Variants in AZGP1 observed in about 807,000 individuals in gnomAD.
AZGP1 encodes zinc-alpha-2-glycoprotein.
AZGP1 carries 28 observed loss-of-function variants against 31.5 expected under a neutral mutation model. The observed-to-expected ratio is 0.89, with a 90% confidence interval of 0.66 to 1.22. The LOEUF (loss-of-function observed/expected upper bound fraction) is 1.22. AZGP1 is among the 50% of genes most tolerant of loss of function. The probability of loss-of-function intolerance (pLI) is 0.00; values close to 1 mark genes in which losing one functional copy is unlikely to be tolerated. For synonymous variants in AZGP1, 135 were observed against 145.4 expected (o/e 0.93, Z 0.51); for missense variants, 361 against 371.8 (o/e 0.97, Z 0.24).
rs1048835408 is a variant in AZGP1, at chr7:99,966,852, G to A, written c.*151C>T. Reference sequence around the variant, plus strand: ...ACTCAAGACAGGCATCCCAGTCTTCGGTCTCCAAATCCACCTCCTGTCTGT... The same window carrying A: ...ACTCAAGACAGGCATCCCAGTCTTCAGTCTCCAAATCCACCTCCTGTCTGT... On this transcript the variant is annotated 3_prime_UTR_variant, in exon 4 of 4. Transcript: ENST00000292401. 5 of 1,217,798 alleles carry A rather than the reference G, an allele frequency of 4.1e-6. No homozygotes were observed. In the African/African-American group the frequency reaches 4.6e-5, roughly 11 times the overall value. The allele number at this position is 1,217,798 out of a possible 1,614,324, so 75.4% of individuals were successfully genotyped here. A position where few individuals can be genotyped will look rare whatever the true frequency, so the allele number is the denominator to read the frequency against.
chr7:99,967,365 G>A (rs753449793), intron 3 of AZGP1, 79 bp from the exon 4 acceptor site: 23 of 1,470,602 alleles, frequency 1.6e-5, no homozygotes, highest in Non-Finnish European at 2.1e-5. Context: ...CCCCACCCCT[G>A]GATGTCAGCG....
Position 99,971,930 on chromosome 7 carries a change from G to GC in AZGP1, c.152dup (p.Ser52LeufsTer4), listed in dbSNP as rs1789584435. ...TAAAGAACTGGAGGTCATTGAGTGA[G>GC]CCAAGGGCCTGAAACGCGGGGACGT... On this transcript the variant is annotated frameshift_variant, in exon 2 of 4. Coordinates refer to ENST00000292401, the MANE Select transcript of AZGP1 (RefSeq NM_001185.4). LOFTEE classifies it high-confidence loss of function. The GC allele has an allele frequency of 6.2e-7, 1 of 1,614,148 alleles. No individual in the cohort carries two copies. Among genetic ancestry groups the GC allele is most frequent in the East Asian group, 2.2e-5 (1 of 44,884 alleles).
At chr7:99,969,434 A>T (rs1789545860) in intron 2 of AZGP1, among the ~76,000 whole-genome samples, 1 of 148,904 alleles carries the variant, frequency 6.7e-6, no homozygotes, top group South Asian at 2.1e-4. Flanking sequence ...ATTAACCAGG[A>T]GTAGTGACAC....
At chr7:99,975,791 G>A (rs1789651617) in intron 1 of AZGP1, among the ~76,000 whole-genome samples, 154 bp downstream of exon 1, 1 of 152,166 alleles carries the variant, frequency 6.6e-6, no homozygotes, top group South Asian at 2.1e-4. Context: ...GCTCCTGGAA[G>A]TGTGTGAGCT....
At chr7:99,975,643 T>C (rs1286882628) in intron 1 of AZGP1, among the ~76,000 whole-genome samples, 2 of 152,266 alleles carry the variant, frequency 1.3e-5, no homozygotes, top group Non-Finnish European at 2.9e-5. Flanking sequence ...TCCAGGCATA[T>C]GGTTCCTACT....
At chr7:99,973,653 TG>T in intron 1 of AZGP1, among the ~76,000 whole-genome samples, 1 of 151,980 alleles carries the variant, frequency 6.6e-6, no homozygotes, top group Non-Finnish European at 1.5e-5. Flanking sequence ...TGGTGGCTCA[TG>T]CCTGTAATTC....
At position 99,966,912 on chromosome 7, in the gene AZGP1, T is replaced by C. The variant is rs1265925012; in HGVS notation, c.*91A>G. On this transcript the variant is annotated 3_prime_UTR_variant, in exon 4 of 4. Transcript: ENST00000292401. The stretch of plus-strand genomic sequence containing the variant: ...CTGCTCCTCAGGCCTTGTGGATCCA[T>C]TGACTGTGATTTCTGTGGTTCAGCT... 6.6e-7 allele frequency: 1 copy of C among 1,510,610 alleles called. No homozygotes were observed. The highest frequency in any genetic ancestry group is 2.3e-5 in the East Asian group (1 of 44,172). 93.6% of individuals were successfully genotyped at this position (1,510,610 alleles called of 1,614,324 possible).
chr7:99,971,654 C>T, intron 2 of AZGP1, 92 bp downstream of exon 2: 3 of 1,454,978 alleles, frequency 2.1e-6, no homozygotes, highest in Non-Finnish European at 1.9e-6. Flanking sequence ...GGGATTGGGA[C>T]TATTTCCATC....
chr7:99,968,432 T>C lies in AZGP1; in HGVS notation c.338-2A>G, dbSNP rs1789527415. On this transcript the variant is annotated splice_acceptor_variant, in intron 2 of 3. Coordinates refer to ENST00000292401, the MANE Select transcript of AZGP1 (RefSeq NM_001185.4). LOFTEE classifies it high-confidence loss of function. ...ACCTTCCCTGCAATACGTGAGACCC[T>C]GAAAACTCCCCCGACCCCACAGAGA... The C allele has an allele frequency of 6.2e-7, 1 of 1,613,524 alleles. No individual in the cohort carries two copies. The highest frequency in any genetic ancestry group is 8.5e-7 in the Non-Finnish European group (1 of 1,179,914).
In AZGP1 at chr7:99,966,750, T is replaced by C; in HGVS notation, c.*253A>G. The C allele has an allele frequency of 1.8e-6, 1 of 565,614 alleles. No individual in the cohort carries two copies. Among genetic ancestry groups the C allele is most frequent in the Non-Finnish European group, 3.1e-6 (1 of 321,130 alleles). 35.0% of individuals were successfully genotyped at this position (565,614 alleles called of 1,614,324 possible). A position where few individuals can be genotyped will look rare whatever the true frequency, so the allele number is the denominator to read the frequency against. On this transcript the variant is annotated 3_prime_UTR_variant, in exon 4 of 4. Transcript: ENST00000292401. ...TGTTATGCTAGGCAAGGAGGGATGA[T>C]TATTTATTAGCTTCTACAGATTAGA...
At chr7:99,975,577 G>C (rs190507875) in intron 1 of AZGP1, among the ~76,000 whole-genome samples, 1 of 152,036 alleles carries the variant, frequency 6.6e-6, no homozygotes, top group South Asian at 2.1e-4. Flanking sequence ...TTCCCTCAGC[G>C]TCAGGCAGGT....
At chr7:99,970,407 C>A (rs533014059) in intron 2 of AZGP1, among the ~76,000 whole-genome samples, 1 of 151,920 alleles carries the variant, frequency 6.6e-6, no homozygotes, top group Non-Finnish European at 1.5e-5. Flanking sequence ...CCATGCCAGG[C>A]TATTTTTGTA....
intron 3 of AZGP1, chr7:99,967,488 A>G: frequency 1.6e-6 from 1 of 615,354 alleles, no homozygotes; most frequent in Non-Finnish European, 2.8e-6. Flanking sequence ...TCACCCATGT[A>G]TTGACTCTGA....
chr7:99,972,761 C>A (rs975176152), intron 1 of AZGP1, among the ~76,000 whole-genome samples: 1 of 152,108 alleles, frequency 6.6e-6, no homozygotes, highest in Non-Finnish European at 1.5e-5. Flanking sequence ...TTGCAACAAG[C>A]CAAGATCATG....
chr7:99,967,387 TC>T (rs1789502708), intron 3 of AZGP1, 101 bp from the exon 4 acceptor site: 1 of 1,364,168 alleles, frequency 7.3e-7, no homozygotes, highest in Non-Finnish European at 1.0e-6. Flanking sequence ...TCAGCAGAGC[TC>T]GAAGCTCTGT....
intron 2 of AZGP1, chr7:99,968,700 T>C (rs535686357): frequency 4.2e-6 from 2 of 471,618 alleles, no homozygotes; most frequent in South Asian, 2.7e-5. Flanking sequence ...CTGTGGCTCA[T>C]GCCTGTAATC....
intron 3 of AZGP1, chr7:99,967,517 G>A (rs1789504428): frequency 1.7e-6 from 1 of 580,902 alleles, no homozygotes; most frequent in East Asian, 2.9e-5. Context: ...AGTTGTGAAT[G>A]CTCCGTGTGC....
At position 99,971,876 on chromosome 7, in the gene AZGP1, C is replaced by A. The variant is rs138114153; in HGVS notation, c.207G>T (p.Gln69His). 1 of 1,614,066 alleles carries A rather than the reference C, an allele frequency of 6.2e-7. No individual in the cohort carries two copies. The highest frequency in any genetic ancestry group is 1.3e-5 in the African/African-American group (1 of 74,912). The change falls in exon 2 of 4, where the codon CAG becomes CAT. Residue 69 changes from glutamine (Q) to histidine (H), a missense_variant. By Grantham distance (24) the Gln-to-His change is conservative (BLOSUM62 0). Coordinates refer to ENST00000292401, the MANE Select transcript of AZGP1 (RefSeq NM_001185.4). ...FRYNSKDRKS[Q>H]PMGLWRQVEG... ...CCACCTGTCTCCAGAGTCCCATGGGCTGAGACTTCCTGTCTTTACTGTTGT... is the reference window on the plus strand; with the variant it reads ...CCACCTGTCTCCAGAGTCCCATGGGATGAGACTTCCTGTCTTTACTGTTGT...
intron 2 of AZGP1, among the ~76,000 whole-genome samples, chr7:99,971,303 A>G (rs1303000416): frequency 6.6e-6 from 1 of 152,158 alleles, no homozygotes; most frequent in Non-Finnish European, 1.5e-5. Flanking sequence ...TTTCAACCAG[A>G]TATTTTGGGA....
Sources: allele counts gnomAD v4.1 joint callset (sites outside exome capture counted in the v4.1 genomes callset), GRCh38; gene constraint gnomAD v4.1.1; transcripts MANE v1.5; gene names NCBI Gene and HGNC (gene_info 2026-07-23, HGNC 2026-07-21).